Variants in TTC34 observed in about 807,000 individuals in gnomAD.
TTC34 encodes tetratricopeptide repeat protein 34.
A neutral mutation model predicts 40.7 loss-of-function variants in TTC34; 44 were observed. The observed-to-expected ratio is 1.08, with a 90% CI of 0.85 to 1.39. The LOEUF is 1.39. Ranked by LOEUF, TTC34 falls within the 40% of genes most tolerant of loss-of-function variation. The pLI, the probability that TTC34 is intolerant of heterozygous loss-of-function variation, is 0.00. For missense variants in TTC34, 884 were observed against 838.0 expected, an observed-to-expected ratio of 1.05 and a Z score of -0.68; for synonymous variants, 422 against 398.6, an observed-to-expected ratio of 1.06 and a Z score of -0.70.
At position 2,750,060 on chromosome 1, in the gene TTC34, T is replaced by G. The variant is rs1177702841; in HGVS notation, c.2226+33549A>C. On this transcript the variant is annotated intron_variant, in intron 6 of 8. Coordinates refer to ENST00000401095, the Ensembl canonical transcript of TTC34. The stretch of plus-strand genomic sequence containing the variant: ...GCACCCACACCCTCAGGTGAGCATC[T>G]GACAGCCTGGAGCAGCAGGCACACC... 2.4e-5 allele frequency among the ~76,000 whole-genome samples: 2 copies of G among 82,748 alleles called. 1 individual carries two copies. Among genetic ancestry groups the G allele is most frequent in the Non-Finnish European group, 4.4e-5 (2 of 45,714 alleles). The allele number at this position is 82,748 out of a possible 152,430, so 54.3% of individuals were successfully genotyped here.
At chr1:2,644,015 A>G (rs894555843) in intron 8 of TTC34, among the ~76,000 whole-genome samples, 1 of 152,092 alleles carries the variant, frequency 6.6e-6, no homozygotes, top group African/African-American at 2.4e-5. Flanking sequence ...CCTCTCTTGC[A>G]CCCAAGTCAC....
At chr1:2,696,343 G>C (rs1461442203) in intron 6 of TTC34, among the ~76,000 whole-genome samples, 2 of 143,598 alleles carry the variant, frequency 1.4e-5, no homozygotes. Context: ...TGACAGCCTG[G>C]AACAGCACCC....
chr1:2,788,171 T>G (rs1441035598), intron 3 of TTC34, among the ~76,000 whole-genome samples: 1 of 152,176 alleles, frequency 6.6e-6, no homozygotes, highest in Non-Finnish European at 1.5e-5. Context: ...AGAACAAATA[T>G]AAATGCCATC....
intron 6 of TTC34, among the ~76,000 whole-genome samples, chr1:2,778,623 G>A (rs1173416619): frequency 1.3e-5 from 2 of 152,184 alleles, no homozygotes; most frequent in Non-Finnish European, 1.5e-5. Context: ...GGAGCTCTGT[G>A]GGGGGAGACA....
intron 5 of TTC34, 61 bp downstream of exon 5, chr1:2,785,758 T>G: frequency 6.8e-7 from 1 of 1,478,110 alleles, no homozygotes; most frequent in South Asian, 1.3e-5. Flanking sequence ...TGGCAGAGAC[T>G]CCCCATGTCC....
chr1:2,685,824 G>C (rs867619176), intron 6 of TTC34, among the ~76,000 whole-genome samples: 4,001 of 142,334 alleles, frequency 0.028, 1 homozygote, highest in Admixed American at 0.038. Context: ...TGACAGACTG[G>C]AACGGCACCC....
intron 5 of TTC34, among the ~76,000 whole-genome samples, chr1:2,784,088 T>C (rs1028423009): frequency 9.2e-5 from 14 of 151,998 alleles, no homozygotes; most frequent in African/African-American, 3.1e-4. Context: ...CGGAGACCGG[T>C]AGTGGCCCCG....
At chr1:2,750,207 C>G (rs1443862728) in intron 6 of TTC34, among the ~76,000 whole-genome samples, 59 of 147,046 alleles carry the variant, frequency 4.0e-4, no homozygotes, top group South Asian at 1.5e-3. Flanking sequence ...CCCACACCCC[C>G]AGGTGCGCAT....
chr1:2,675,099 C>G (rs1570787351), intron 6 of TTC34, among the ~76,000 whole-genome samples: 1 of 10,000 alleles, frequency 1.0e-4, no homozygotes, highest in African/African-American at 3.5e-4. Flanking sequence ...GAGCATCTGA[C>G]AGCCTGGAGC....
intron 8 of TTC34, 106 bp from the exon 9 acceptor site, chr1:2,642,001 C>A: frequency 7.9e-7 from 1 of 1,258,492 alleles, no homozygotes; most frequent in Non-Finnish European, 1.1e-6. Context: ...CTGCTGGCTC[C>A]CTGGGGATGG....
chr1:2,786,800 C>G (rs548118437), intron 4 of TTC34, among the ~76,000 whole-genome samples: 1 of 152,220 alleles, frequency 6.6e-6, no homozygotes, highest in East Asian at 1.9e-4. Context: ...AGGCCCAATG[C>G]TGCCCCCTGC....
At chr1:2,652,543 A>AC (rs1639183525) in intron 6 of TTC34, among the ~76,000 whole-genome samples, 5 of 18,110 alleles carry the variant, frequency 2.8e-4, no homozygotes, top group Admixed American at 6.0e-4. Flanking sequence ...GAGCATTGGA[A>AC]AGCCTGGAGC....
intron 6 of TTC34, among the ~76,000 whole-genome samples, chr1:2,753,042 G>A (rs1166118391): frequency 5.0e-5 from 7 of 140,142 alleles, no homozygotes; most frequent in African/African-American, 1.4e-4. Context: ...ACAGCCTGGA[G>A]CAGCACCCAC....
chr1:2,748,791 G>A (rs1641227078), intron 6 of TTC34, among the ~76,000 whole-genome samples: 1 of 144,130 alleles, frequency 6.9e-6, no homozygotes, highest in Non-Finnish European at 1.5e-5. Flanking sequence ...GCCTGGAGCG[G>A]AACCCACACC....
At chr1:2,688,590 A>C (rs1640481319) in intron 6 of TTC34, among the ~76,000 whole-genome samples, 1 of 137,554 alleles carries the variant, frequency 7.3e-6, no homozygotes, top group Non-Finnish European at 1.5e-5. Flanking sequence ...CGCATCCGAC[A>C]GCCTGGAGCA....
At position 2,783,654 on chromosome 1, in the gene TTC34, T is replaced by A. The variant is rs373430985; in HGVS notation, c.2181A>T (p.Ala727=). 256 of 1,526,896 alleles carry A rather than the reference T, an allele frequency of 1.7e-4. No homozygotes were observed. In the African/African-American group the frequency reaches 3.1e-3, roughly 18 times the overall value. The allele number at this position is 1,526,896 out of a possible 1,614,324, so 94.6% of individuals were successfully genotyped here. Residue 727 remains alanine, a synonymous_variant, in exon 6 of 9, where the codon GCA becomes GCT. Coordinates refer to ENST00000401095, the Ensembl canonical transcript of TTC34. ...GGTGCACCAACGCCCGTCCACACAGTGCCTGCACGTTCCCCGGCTCAGCCC... is the reference window on the plus strand; with the variant it reads ...GGTGCACCAACGCCCGTCCACACAGAGCCTGCACGTTCCCCGGCTCAGCCC...
At chr1:2,687,068 G>A (rs1640394085) in intron 6 of TTC34, among the ~76,000 whole-genome samples, 1 of 145,104 alleles carries the variant, frequency 6.9e-6, no homozygotes, top group African/African-American at 2.7e-5. Context: ...CCGACAGCCT[G>A]GAGCAGGACC....
rs1391881708 is a variant in TTC34, at chr1:2,700,171, C to T, written c.2227-54608G>A. ...CGGACATCCTGGAGCATCACATACT[C>T]CCCCAGGTGAGCATCCGACAGCCTG... On this transcript the variant is annotated intron_variant, in intron 6 of 8. Transcript: ENST00000401095. Among the ~76,000 whole-genome samples, 5 of 95,528 alleles carry T rather than the reference C, an allele frequency of 5.2e-5. 1 individual carries two copies. Among genetic ancestry groups the T allele is most frequent in the African/African-American group, 1.6e-4 (5 of 31,366 alleles). The allele number at this position is 95,528 out of a possible 152,430, so 62.7% of individuals were successfully genotyped here.
intron 2 of TTC34, among the ~76,000 whole-genome samples, chr1:2,790,873 T>A (rs7526311): frequency 0.65 from 99,374 of 152,062 alleles, 33,681 homozygotes; most frequent in African/African-American, 0.85. Flanking sequence ...TCCCTCTCTG[T>A]AGCAGAGCTC....
Sources: allele counts gnomAD v4.1 joint callset (sites outside exome capture counted in the v4.1 genomes callset), GRCh38; gene constraint gnomAD v4.1.1; transcripts MANE v1.5; gene names NCBI Gene and HGNC (gene_info 2026-07-23, HGNC 2026-07-21).